ANK2: variants seen among roughly 807,000 people sequenced by gnomAD.
ANK2 encodes the protein ankyrin 2.
In ANK2, 83 loss-of-function variants were observed where a neutral mutation model predicts 360.5. The observed-to-expected ratio is 0.23, with a 90% CI of 0.19 to 0.28. ANK2 has a LOEUF of 0.28. ANK2 is among the 10% of genes least tolerant of loss of function. ANK2 has a pLI of 1.00. For synonymous variants in ANK2, 1,740 were observed against 1,759.5 expected, an observed-to-expected ratio of 0.99 and a Z score of 0.28; for missense variants, 4,201 against 4,795.7, an observed-to-expected ratio of 0.88 and a Z score of 3.66.
chr4:112,960,872 T>C (rs2034443537), intron 2 of ANK2, among the ~76,000 whole-genome samples: 1 of 152,132 alleles, frequency 6.6e-6, no homozygotes, highest in Non-Finnish European at 1.5e-5. Context: ...ATTACTCCAA[T>C]TTTACAGATA....
At chr4:113,359,429 T>C in intron 38 of ANK2, 130 bp downstream of exon 38, 1 of 1,155,340 alleles carries the variant, frequency 8.7e-7, no homozygotes, top group Non-Finnish European at 1.2e-6. Context: ...CTAATGTGTT[T>C]GTGTAAGCCC....
intron 2 of ANK2, among the ~76,000 whole-genome samples, chr4:112,949,298 A>G (rs2094777287): frequency 6.6e-6 from 1 of 152,192 alleles, no homozygotes; most frequent in Non-Finnish European, 1.5e-5. Context: ...AAAAACACCA[A>G]TAAAGCATTC....
At chr4:113,300,144 C>A (rs1426254306) in intron 22 of ANK2, among the ~76,000 whole-genome samples, 1 of 152,050 alleles carries the variant, frequency 6.6e-6, no homozygotes, top group East Asian at 1.9e-4. Flanking sequence ...CACTACTATT[C>A]TCCAGATTTT....
chr4:113,047,743 A>G (rs2065018528), upstream of ANK2, among the ~76,000 whole-genome samples: 4 of 152,096 alleles, frequency 2.6e-5, no homozygotes, highest in South Asian at 8.3e-4. Flanking sequence ...CCACTGAAGC[A>G]ATGGTGAGAG....
chr4:112,833,853 G>A (rs1479543074), intron 1 of ANK2, among the ~76,000 whole-genome samples: 1 of 152,166 alleles, frequency 6.6e-6, no homozygotes, highest in Non-Finnish European at 1.5e-5. Flanking sequence ...AATTCAAAAG[G>A]TTCAAAAGGA....
At chr4:113,350,341 C>A in intron 37 of ANK2, 92 bp downstream of exon 37, 1 of 1,024,894 alleles carries the variant, frequency 9.8e-7, no homozygotes, top group South Asian at 1.4e-5. Flanking sequence ...TATTACTAAC[C>A]ACTATAGTAA....
chr4:113,069,522 CT>C (rs1347010658), intron 1 of ANK2, among the ~76,000 whole-genome samples: 5 of 152,198 alleles, frequency 3.3e-5, no homozygotes, highest in African/African-American at 4.8e-5. Context: ...TGCAATCAGT[CT>C]TTTAAAAGCC....
chr4:112,834,838 A>AG (rs1020682078), intron 1 of ANK2, among the ~76,000 whole-genome samples: 7 of 152,216 alleles, frequency 4.6e-5, no homozygotes, highest in African/African-American at 1.7e-4. Flanking sequence ...TCTTTAAAAA[A>AG]CAGACACTTG....
chr4:113,183,695 A>G (rs947668302), intron 2 of ANK2, among the ~76,000 whole-genome samples: 1 of 152,078 alleles, frequency 6.6e-6, no homozygotes, highest in African/African-American at 2.4e-5. Flanking sequence ...GAAATACTAG[A>G]GGAAGTTTAT....
intron 2 of ANK2, among the ~76,000 whole-genome samples, chr4:113,192,157 G>A (rs917516763): frequency 1.3e-5 from 2 of 152,054 alleles, no homozygotes; most frequent in African/African-American, 4.8e-5. Flanking sequence ...GTGGTTTGCC[G>A]CATCTATCAA....
At chr4:112,901,659 G>A (rs556607477) in intron 1 of ANK2, among the ~76,000 whole-genome samples, 2 of 152,084 alleles carry the variant, frequency 1.3e-5, no homozygotes, top group South Asian at 2.1e-4. Context: ...TCAGGAGTTC[G>A]AGACCAGCCT....
chr4:112,899,462 A>G (rs1204555456), intron 1 of ANK2, among the ~76,000 whole-genome samples: 1 of 152,188 alleles, frequency 6.6e-6, no homozygotes, highest in African/African-American at 2.4e-5. Context: ...TGGCCCCATA[A>G]AAACCCAATT....
intron 3 of ANK2, among the ~76,000 whole-genome samples, chr4:113,198,363 A>G (rs2098780547): frequency 1.3e-5 from 2 of 151,676 alleles, no homozygotes; most frequent in African/African-American, 4.8e-5. Flanking sequence ...TTTGTTATTT[A>G]TTTTAATCAC....
intron 2 of ANK2, among the ~76,000 whole-genome samples, chr4:112,977,866 A>G (rs886281376): frequency 6.6e-6 from 1 of 152,268 alleles, no homozygotes. Context: ...TTTGCTGAGG[A>G]TGATGGTTTC....
At chr4:113,047,562 T>C (rs1458083074), upstream of ANK2, among the ~76,000 whole-genome samples, 1 of 151,354 alleles carries the variant, frequency 6.6e-6, no homozygotes, top group Non-Finnish European at 1.5e-5. Flanking sequence ...GAGTGAGGGG[T>C]TGGGAGAGCA....
At chr4:112,800,408 T>A in the ANK2 span, among the ~76,000 whole-genome samples, 1 of 152,174 alleles carries the variant, frequency 6.6e-6, no homozygotes, top group Admixed American at 6.5e-5. Context: ...TGTGTGTATG[T>A]GTGTGTGTAT....
At chr4:113,317,889 A>G (rs2083768908) in intron 25 of ANK2, 80 bp downstream of exon 25, 1 of 1,186,726 alleles carries the variant, frequency 8.4e-7, no homozygotes, top group African/African-American at 1.5e-5. Context: ...GTCCTGAGAA[A>G]GTTTTTAATC....
chr4:113,187,686 A>G (rs1176316157), intron 2 of ANK2, among the ~76,000 whole-genome samples: 1 of 152,242 alleles, frequency 6.6e-6, no homozygotes, highest in South Asian at 2.1e-4. Flanking sequence ...ACTGACTTAC[A>G]TGAACCTATT....
chr4:112,962,553 T>C (rs2035376766), intron 2 of ANK2, among the ~76,000 whole-genome samples: 1 of 152,316 alleles, frequency 6.6e-6, no homozygotes. Flanking sequence ...CCTTTGGGTA[T>C]GTACCCAGTA....
Sources: allele counts gnomAD v4.1 joint callset (sites outside exome capture counted in the v4.1 genomes callset), GRCh38; gene constraint gnomAD v4.1.1; transcripts MANE v1.5; gene names NCBI Gene and HGNC (gene_info 2026-07-23, HGNC 2026-07-21).